The following TENM3 variants were observed in gnomAD, a reference collection of about 807,000 sequenced individuals.
The protein encoded by TENM3 is teneurin-3.
TENM3 carries 63 observed loss-of-function variants against 255.1 expected under a neutral mutation model. The observed-to-expected ratio is 0.25, with a 90% CI of 0.20 to 0.30. TENM3 has a LOEUF of 0.30. TENM3 is among the 10% of genes least tolerant of loss of function. The probability of loss-of-function intolerance (pLI) is 1.00; values close to 1 mark genes in which losing one functional copy is unlikely to be tolerated. For synonymous variants in TENM3, 1,306 were observed against 1,322.3 expected (o/e 0.99, Z 0.27); for missense variants, 2,929 against 3,461.1 (o/e 0.85, Z 3.86).
intron 12 of TENM3, chr4:182,698,008 C>T (rs1757558179): frequency 6.6e-6 from 1 of 152,132 alleles, no homozygotes; most frequent in African/African-American, 2.4e-5. Flanking sequence ...CTTGTCTTTA[C>T]ATACACCAAT....
chr4:182,684,977 C>G (rs1353248972), intron 11 of TENM3, among the ~76,000 whole-genome samples: 2 of 152,170 alleles, frequency 1.3e-5, no homozygotes, highest in Admixed American at 1.3e-4. Flanking sequence ...ATCTCTGCTG[C>G]CCTATGAGTC....
intron 1 of TENM3, among the ~76,000 whole-genome samples, chr4:182,207,050 A>G (rs1314822970): frequency 1.3e-5 from 2 of 152,210 alleles, no homozygotes; most frequent in Admixed American, 6.5e-5. Flanking sequence ...CAGAGCCTAC[A>G]GTTGTTAAGT....
At chr4:181,525,970 C>A in the TENM3 span, among the ~76,000 whole-genome samples, 1 of 152,128 alleles carries the variant, frequency 6.6e-6, no homozygotes, top group African/African-American at 2.4e-5. Flanking sequence ...TAGATCTTAA[C>A]CAAATAATGT....
chr4:182,092,484 C>CA, the TENM3 span, among the ~76,000 whole-genome samples: 22 of 152,098 alleles, frequency 1.4e-4, no homozygotes, highest in Non-Finnish European at 2.2e-4. Flanking sequence ...CCCATCTTTG[C>CA]AAAAAATTTA....
upstream of TENM3, among the ~76,000 whole-genome samples, chr4:182,139,442 G>A (rs539845962): frequency 6.6e-6 from 1 of 152,190 alleles, no homozygotes; most frequent in African/African-American, 2.4e-5. Context: ...GCTGGACCCT[G>A]AAATATCTAA....
At chr4:181,977,901 A>G in the TENM3 span, among the ~76,000 whole-genome samples, 1 of 152,220 alleles carries the variant, frequency 6.6e-6, no homozygotes, top group Non-Finnish European at 1.5e-5. Context: ...TCTTGGTTGA[A>G]GAGGACTGAA....
At chr4:181,674,308 C>T in the TENM3 span, among the ~76,000 whole-genome samples, 39 of 152,126 alleles carry the variant, frequency 2.6e-4, no homozygotes, top group African/African-American at 8.2e-4. Flanking sequence ...TAGTGAATTT[C>T]TACCCAGGAC....
chr4:181,448,154 A>ATTTTTTTTTTTTTTTTTTTTTTT, the TENM3 span, among the ~76,000 whole-genome samples: 2 of 90,124 alleles, frequency 2.2e-5, no homozygotes, highest in African/African-American at 9.6e-5. Context: ...AAATCCAGTA[A>ATTTTTTTTTTTTTTTTTTTTTTT]TTTTTTTTTT....
intron 1 of TENM3, among the ~76,000 whole-genome samples, chr4:182,185,061 C>G (rs1014818729): frequency 2.8e-4 from 41 of 146,548 alleles, no homozygotes; most frequent in African/African-American, 9.5e-4. Context: ...CCAGCCTGGA[C>G]AACAAGAGCA....
intron 22 of TENM3, among the ~76,000 whole-genome samples, chr4:182,764,199 G>T (rs764976236): frequency 6.6e-6 from 1 of 152,232 alleles, no homozygotes; most frequent in Non-Finnish European, 1.5e-5. Flanking sequence ...TTTTGATAAG[G>T]TGGGAAGTTT....
chr4:181,725,382 T>C, the TENM3 span, among the ~76,000 whole-genome samples: 1 of 151,872 alleles, frequency 6.6e-6, no homozygotes, highest in South Asian at 2.1e-4. Flanking sequence ...CATTTAAAAC[T>C]GCAAAATAAG....
chr4:182,324,179 T>C lies in TENM3; in HGVS notation c.159T>C (p.Asp53=). ...AGACATTGAAAGCTTTTGATCATGA[T>C]TCCTCGCGGCTGCTTTACGGCAACA... ...SSETLKAFDH[D]SSRLLYGNRV... is the part of the protein sequence containing the mutation. Residue 53 remains aspartate (D), a synonymous_variant, in exon 2 of 28, where the codon GAT becomes GAC. Transcript: ENST00000511685. 6.2e-7 allele frequency: 1 copy of C among 1,613,992 alleles called. No individual in the cohort carries two copies. Among genetic ancestry groups the C allele is most frequent in the East Asian group, 2.2e-5 (1 of 44,878 alleles).
At chr4:182,682,853 T>A (rs1756281052) in intron 11 of TENM3, among the ~76,000 whole-genome samples, 1 of 152,146 alleles carries the variant, frequency 6.6e-6, no homozygotes, top group Admixed American at 6.6e-5. Flanking sequence ...TACAGTTTAT[T>A]TAGGGAGATA....
chr4:182,360,758 G>C (rs1393859678), intron 3 of TENM3, among the ~76,000 whole-genome samples: 1 of 151,904 alleles, frequency 6.6e-6, no homozygotes, highest in Non-Finnish European at 1.5e-5. Context: ...ATTTGAACCT[G>C]TCATTATGAT....
At chr4:182,755,535 G>A (rs892571967) in intron 22 of TENM3, among the ~76,000 whole-genome samples, 46 of 151,498 alleles carry the variant, frequency 3.0e-4, no homozygotes, top group African/African-American at 8.7e-4. Context: ...GAGCCAGAAC[G>A]TATCTCTAAA....
At chr4:181,709,147 C>A in the TENM3 span, among the ~76,000 whole-genome samples, 1 of 152,196 alleles carries the variant, frequency 6.6e-6, no homozygotes, top group Non-Finnish European at 1.5e-5. Flanking sequence ...GAAGACACTA[C>A]ATATTAATCA....
the TENM3 span, among the ~76,000 whole-genome samples, chr4:181,669,570 T>C: frequency 6.6e-6 from 1 of 152,124 alleles, no homozygotes; most frequent in African/African-American, 2.4e-5. Context: ...TTCCCCTTCT[T>C]CCCTCCTCGG....
chr4:181,556,665 A>G, the TENM3 span, among the ~76,000 whole-genome samples: 1 of 152,148 alleles, frequency 6.6e-6, no homozygotes, highest in Non-Finnish European at 1.5e-5. Context: ...TCTTTGTTTT[A>G]CTACCTGCAC....
At chr4:181,642,721 A>ATGGC in the TENM3 span, among the ~76,000 whole-genome samples, 1 of 152,150 alleles carries the variant, frequency 6.6e-6, no homozygotes, top group Non-Finnish European at 1.5e-5. Context: ...TTGTCTGCAT[A>ATGGC]TGGCTAGCCA....
Sources: allele counts gnomAD v4.1 joint callset (sites outside exome capture counted in the v4.1 genomes callset), GRCh38; gene constraint gnomAD v4.1.1; transcripts MANE v1.5; gene names NCBI Gene and HGNC (gene_info 2026-07-23, HGNC 2026-07-21).